NFASC: variants seen among roughly 807,000 people sequenced by gnomAD.
NFASC encodes neurofascin homolog.
NFASC carries 43 observed loss-of-function variants against 147.5 expected under a neutral mutation model. The observed-to-expected ratio is 0.29, with a 90% CI of 0.23 to 0.38. The LOEUF (loss-of-function observed/expected upper bound fraction) is 0.38, where lower values mean the gene tolerates loss of function less well. Among genes scored for constraint, NFASC ranks in the 10% least tolerant of loss-of-function variants. The pLI, the probability that NFASC is intolerant of heterozygous loss-of-function variation, is 1.00. For missense variants in NFASC, 1,320 were observed against 1,689.0 expected (o/e 0.78, Z 3.83); for synonymous variants, 622 against 665.5 (o/e 0.93, Z 1.01).
chr1:204,988,677 C>G lies in NFASC; in HGVS notation c.2638C>G (p.Pro880Ala), dbSNP rs2095662626. The change falls in exon 23 of 30, where the codon CCC becomes GCC. Residue 880 changes from proline to alanine, a missense_variant. Pro to Ala is a conservative substitution (Grantham distance 27, BLOSUM62 -1). Around this residue, in one of 3 missense-constraint regions of NFASC, gnomAD observed 981 missense variants for 1,289.5 expected, o/e 0.76. Transcript: ENST00000339876. ...VGKQIVENFS[P>A]NQTKFTVQRT... ...AAAGCAGATAGTGGAAAACTTCTCT[C>G]CCAATCAGACCAAGTTCACGGTGCA... 1 of 1,614,234 alleles carries G rather than the reference C, an allele frequency of 6.2e-7. No homozygotes were observed. The highest frequency in any genetic ancestry group is 1.3e-5 in the African/African-American group (1 of 75,068).
At chr1:204,867,329 A>G (rs1046432134) in intron 1 of NFASC, among the ~76,000 whole-genome samples, 1 of 152,064 alleles carries the variant, frequency 6.6e-6, no homozygotes, top group Non-Finnish European at 1.5e-5. Context: ...ACAAACACAC[A>G]TACAGGAACT....
intron 1 of NFASC, among the ~76,000 whole-genome samples, chr1:204,833,413 C>T (rs1453434826): frequency 6.6e-6 from 1 of 152,156 alleles, no homozygotes; most frequent in Non-Finnish European, 1.5e-5. Flanking sequence ...ACTTCAAAGC[C>T]TGTGCTCCTC....
chr1:204,980,501 T>A, intron 20 of NFASC, 61 bp downstream of exon 20: 1 of 1,238,054 alleles, frequency 8.1e-7, no homozygotes, highest in Non-Finnish European at 1.2e-6. Context: ...CGGGAGCCCC[T>A]CTCCCTTGAT....
intron 2 of NFASC, among the ~76,000 whole-genome samples, chr1:204,934,119 CAG>C (rs970252161): frequency 3.1e-5 from 4 of 130,744 alleles, no homozygotes; most frequent in Non-Finnish European, 4.7e-5. Flanking sequence ...CCCCGGGCGA[CAG>C]AGTGAGACTC....
chr1:204,893,897 CCTT>C (rs2149080089), intron 1 of NFASC, among the ~76,000 whole-genome samples: 1 of 152,336 alleles, frequency 6.6e-6, no homozygotes, highest in East Asian at 1.9e-4. Context: ...CATTTGCCTG[CCTT>C]TAGATGGCTA....
At chr1:204,848,537 A>G (rs2075378420) in intron 1 of NFASC, among the ~76,000 whole-genome samples, 1 of 152,258 alleles carries the variant, frequency 6.6e-6, no homozygotes, top group African/African-American at 2.4e-5. Context: ...GAATTTTATT[A>G]AAGTGAGACA....
intron 1 of NFASC, among the ~76,000 whole-genome samples, chr1:204,885,665 A>C (rs565196651): frequency 6.6e-6 from 1 of 152,174 alleles, no homozygotes; most frequent in Non-Finnish European, 1.5e-5. Context: ...GGGGCCTTCT[A>C]CTGATCCTGT....
chr1:204,957,038 C>T lies in NFASC; in HGVS notation c.536-618C>T, dbSNP rs544836330. On this transcript the variant is annotated intron_variant, in intron 7 of 29. Transcript: ENST00000339876. ...AACATCTCTTAAAACTGATGATGTA[C>T]ATCATTGATTGGTATATATCTTACA... is the stretch of plus-strand genomic sequence containing the variant. 2.6e-5 allele frequency among the ~76,000 whole-genome samples: 4 copies of T among 152,292 alleles called. No individual in the cohort carries two copies. The South Asian group carries it at 8.3e-4, about 32-fold the overall frequency.
At chr1:204,865,173 C>A (rs556850222) in intron 1 of NFASC, among the ~76,000 whole-genome samples, 2 of 152,178 alleles carry the variant, frequency 1.3e-5, no homozygotes, top group African/African-American at 2.4e-5. Flanking sequence ...TGCCTGAAAC[C>A]ATGGGTAGTA....
intron 11 of NFASC, among the ~76,000 whole-genome samples, chr1:204,972,129 A>G (rs1399908006): frequency 6.6e-6 from 1 of 152,156 alleles, no homozygotes. Flanking sequence ...TTCCTTTCCC[A>G]TCTGCTGATT....
intron 2 of NFASC, among the ~76,000 whole-genome samples, chr1:204,943,333 C>T (rs2093488976): frequency 6.6e-6 from 1 of 152,210 alleles, no homozygotes; most frequent in African/African-American, 2.4e-5. Context: ...AGGTTTGTCT[C>T]TAAGGATCCA....
At chr1:204,894,607 C>T (rs2083045189) in intron 1 of NFASC, among the ~76,000 whole-genome samples, 2 of 152,166 alleles carry the variant, frequency 1.3e-5, no homozygotes, top group East Asian at 1.9e-4. Flanking sequence ...GGATGCTAAA[C>T]CAGTCCTCTG....
chr1:205,008,521 G>C (rs1318303455), intron 27 of NFASC: 1 of 152,618 alleles, frequency 6.6e-6, no homozygotes, highest in Non-Finnish European at 1.5e-5. Flanking sequence ...TTCTGTGACA[G>C]GCTGCATTTC....
chr1:204,969,036 C>G, intron 10 of NFASC, 54 bp downstream of exon 10: 1 of 1,506,352 alleles, frequency 6.6e-7, no homozygotes, highest in Non-Finnish European at 9.1e-7. Flanking sequence ...GAACACCATG[C>G]CCACCCTTCC....
At chr1:204,874,043 C>T (rs2078244340) in intron 1 of NFASC, among the ~76,000 whole-genome samples, 1 of 152,156 alleles carries the variant, frequency 6.6e-6, no homozygotes, top group African/African-American at 2.4e-5. Context: ...ATTAATAGCA[C>T]CTGCCTCTTG....
intron 1 of NFASC, among the ~76,000 whole-genome samples, chr1:204,838,957 G>A (rs965542471): frequency 6.6e-6 from 1 of 152,240 alleles, no homozygotes; most frequent in Non-Finnish European, 1.5e-5. Context: ...GACTGGAGCA[G>A]AAAATTTCCA....
At chr1:204,918,060 T>C (rs1015500172) in intron 1 of NFASC, among the ~76,000 whole-genome samples, 52 of 152,212 alleles carry the variant, frequency 3.4e-4, no homozygotes, top group African/African-American at 1.2e-3. Context: ...TCATTAATCT[T>C]ACTTTTGTGT....
rs184681683 is a variant in NFASC, at chr1:204,983,337, C to T, written c.2470+1317C>T. On this transcript the variant is annotated intron_variant, in intron 21 of 29. Coordinates refer to ENST00000339876, the MANE Select transcript of NFASC (RefSeq NM_001005388.3). ...CATCTTCAACCTGTGGGTAATGTTT[C>T]CTGCCAGGAAACAGATGCATTCTCA... Among the ~76,000 whole-genome samples the T allele has an allele frequency of 1.4e-4, 22 of 152,256 alleles. 1 individual carries two copies. Among genetic ancestry groups the T allele is most frequent in the East Asian group, 9.7e-4 (5 of 5,178 alleles).
chr1:204,974,625 G>A (rs2150348500), intron 13 of NFASC, 32 bp from the exon 14 acceptor site: 1 of 1,613,868 alleles, frequency 6.2e-7, no homozygotes, highest in East Asian at 2.2e-5. Flanking sequence ...TCCTGTCTCA[G>A]GATGCTGTGT....
Sources: gnomAD v4.1 joint callset for allele counts (sites outside exome capture counted in the v4.1 genomes callset) on GRCh38, gnomAD v4.1.1 for gene constraint, gnomAD v4.1.1 regional missense constraint, MANE v1.5 for transcripts, NCBI Gene and HGNC (gene_info 2026-07-23, HGNC 2026-07-21) for gene names.